The following MARCHF1 variants were observed in gnomAD, a reference collection of about 807,000 sequenced individuals.
The protein encoded by MARCHF1 is membrane associated ring-CH-type finger 1.
MARCHF1 carries 40 observed loss-of-function variants against 54.2 expected under a neutral mutation model. That is an observed-to-expected ratio of 0.74 (90% CI 0.57 to 0.96). The LOEUF (loss-of-function observed/expected upper bound fraction) is 0.96, where lower values mean the gene tolerates loss of function less well. MARCHF1 is among the 40% of genes least tolerant of loss of function. The pLI, the probability that MARCHF1 is intolerant of heterozygous loss-of-function variation, is 0.00. For synonymous variants in MARCHF1, 236 were observed against 236.3 expected (o/e 1.00, Z 0.01); for missense variants, 586 against 656.5 (o/e 0.89, Z 1.17).
rs553760113 is a variant in MARCHF1, at chr4:163,943,877, A to G, written c.-39+44624T>C. 3.3e-5 allele frequency among the ~76,000 whole-genome samples: 5 copies of G among 152,114 alleles called. No individual in the cohort carries two copies. The South Asian group carries it at 1.0e-3, about 32-fold the overall frequency. The stretch of plus-strand genomic sequence containing the variant: ...CACAGAATGTTAAGTGTTATATATC[A>G]TCTTATTGTTCATACCCTACCATTA... On this transcript the variant is annotated intron_variant, in intron 3 of 9. Coordinates refer to ENST00000514618, the MANE Select transcript of MARCHF1 (RefSeq NM_001394959.1).
Position 163,986,246 on chromosome 4 carries a change from C to CTTTTTT in MARCHF1, c.-39+2254_-39+2255insAAAAAA, listed in dbSNP as rs1752861022. 4.7e-4 allele frequency among the ~76,000 whole-genome samples: 35 copies of CTTTTTT among 73,772 alleles called. 6 individuals carry two copies. Among genetic ancestry groups the CTTTTTT allele is most frequent in the African/African-American group, 1.0e-3 (23 of 22,158 alleles). 48.4% of individuals were successfully genotyped at this position (73,772 alleles called of 152,430 possible). On this transcript the variant is annotated intron_variant, in intron 3 of 9. Coordinates refer to ENST00000514618, the MANE Select transcript of MARCHF1 (RefSeq NM_001394959.1). ...CCTTTCCTTTTCTCCTAATTAACCT[C>CTTTTTT]TTCTTTTTTTTTTTTTTTTTTTTTT...
intron 1 of MARCHF1, among the ~76,000 whole-genome samples, chr4:164,160,941 CA>C (rs900390716): frequency 2.6e-5 from 4 of 151,730 alleles, no homozygotes; most frequent in Admixed American, 6.6e-5. Context: ...ATACCTAATA[CA>C]AAAAAAATGA....
chr4:163,918,502 A>G (rs1751358564), intron 3 of MARCHF1, among the ~76,000 whole-genome samples: 1 of 152,118 alleles, frequency 6.6e-6, no homozygotes, highest in African/African-American at 2.4e-5. Context: ...AAGAAGCATT[A>G]ATTGTGGAAA....
intron 3 of MARCHF1, among the ~76,000 whole-genome samples, chr4:163,892,403 C>T (rs1294879502): frequency 6.6e-6 from 1 of 151,972 alleles, no homozygotes; most frequent in African/African-American, 2.4e-5. Context: ...TTGTCACAAT[C>T]CCACTGAATG....
chr4:164,223,511 A>C (rs1234054533), intron 1 of MARCHF1, among the ~76,000 whole-genome samples: 1 of 152,046 alleles, frequency 6.6e-6, no homozygotes, highest in Non-Finnish European at 1.5e-5. Flanking sequence ...TCATTCTTCA[A>C]GCAATAGATA....
intron 2 of MARCHF1, among the ~76,000 whole-genome samples, chr4:164,062,773 C>T (rs1754647673): frequency 6.6e-6 from 1 of 152,296 alleles, no homozygotes; most frequent in African/African-American, 2.4e-5. Context: ...ATCCGCCCGC[C>T]TCGGCCTCCC....
At chr4:164,009,735 T>G (rs1012547970) in intron 2 of MARCHF1, among the ~76,000 whole-genome samples, 2 of 152,014 alleles carry the variant, frequency 1.3e-5, no homozygotes, top group Non-Finnish European at 2.9e-5. Context: ...TTTGACAAAA[T>G]TCAACATCCC....
chr4:163,855,128 G>A (rs1367965324), intron 3 of MARCHF1, among the ~76,000 whole-genome samples: 2 of 152,048 alleles, frequency 1.3e-5, no homozygotes, highest in South Asian at 4.1e-4. Flanking sequence ...CATAAGAACG[G>A]TTGCACTAAC....
intron 3 of MARCHF1, among the ~76,000 whole-genome samples, chr4:163,884,211 C>T (rs942535801): frequency 2.6e-5 from 4 of 151,928 alleles, no homozygotes; most frequent in Non-Finnish European, 4.4e-5. Flanking sequence ...AGACCACCCC[C>T]CAGAGTAACT....
intron 1 of MARCHF1, among the ~76,000 whole-genome samples, chr4:164,165,623 T>C (rs1730359435): frequency 6.6e-6 from 1 of 151,954 alleles, no homozygotes. Flanking sequence ...TATTAAGTAG[T>C]TGGTGCCTGG....
At chr4:163,965,815 T>A (rs1752432357) in intron 3 of MARCHF1, among the ~76,000 whole-genome samples, 1 of 152,064 alleles carries the variant, frequency 6.6e-6, no homozygotes, top group Non-Finnish European at 1.5e-5. Context: ...TGCTACTGAA[T>A]CTCATGAATG....
intron 5 of MARCHF1, among the ~76,000 whole-genome samples, chr4:163,635,445 A>G (rs985150753): frequency 4.7e-5 from 7 of 149,874 alleles, no homozygotes; most frequent in Admixed American, 2.0e-4. Context: ...ACAAACTACC[A>G]TCAGAGAATA....
intron 1 of MARCHF1, among the ~76,000 whole-genome samples, chr4:164,319,981 A>T (rs1459884974): frequency 2.0e-5 from 3 of 152,124 alleles, no homozygotes; most frequent in East Asian, 1.9e-4. Flanking sequence ...CATATGTATA[A>T]TTTTTTTTAC....
chr4:163,856,401 G>A (rs1033147156), intron 3 of MARCHF1, among the ~76,000 whole-genome samples: 9 of 152,096 alleles, frequency 5.9e-5, no homozygotes, highest in South Asian at 2.1e-4. Context: ...GACAAGAAAC[G>A]AGATACATTG....
At chr4:164,121,025 C>T (rs1196040110) in intron 1 of MARCHF1, among the ~76,000 whole-genome samples, 2 of 151,340 alleles carry the variant, frequency 1.3e-5, no homozygotes, top group African/African-American at 4.9e-5. Context: ...TAAAAAATAT[C>T]AAGGAAACAA....
At chr4:164,226,649 TTGTGTGTA>T (rs1732263041) in intron 1 of MARCHF1, among the ~76,000 whole-genome samples, 1 of 151,892 alleles carries the variant, frequency 6.6e-6, no homozygotes, top group South Asian at 2.1e-4. Context: ...GCATAAATAT[TTGTGTGTA>T]TGTGTGTGTG....
intron 4 of MARCHF1, among the ~76,000 whole-genome samples, chr4:163,737,241 G>T (rs2111346950): frequency 1.2e-4 from 5 of 42,356 alleles, no homozygotes; most frequent in South Asian, 1.8e-3. Flanking sequence ...TATACTCTAA[G>T]TTTTAGGGTA....
chr4:164,029,174 T>C (rs983777456), intron 2 of MARCHF1, among the ~76,000 whole-genome samples: 1 of 152,136 alleles, frequency 6.6e-6, no homozygotes, highest in African/African-American at 2.4e-5. Context: ...TACTTGGCAA[T>C]TTATTTTAAA....
At chr4:163,646,941 A>C (rs1047010353) in intron 5 of MARCHF1, among the ~76,000 whole-genome samples, 1 of 152,114 alleles carries the variant, frequency 6.6e-6, no homozygotes, top group Non-Finnish European at 1.5e-5. Flanking sequence ...TAAATACATT[A>C]AATTATCTGA....
Sources: allele counts gnomAD v4.1 joint callset (sites outside exome capture counted in the v4.1 genomes callset), GRCh38; gene constraint gnomAD v4.1.1; transcripts MANE v1.5; gene names NCBI Gene and HGNC (gene_info 2026-07-23, HGNC 2026-07-21).